Variants in ZCWPW2 observed in about 807,000 individuals in gnomAD.
The protein encoded by ZCWPW2 is zinc finger CW-type and PWWP domain containing 2.
A neutral mutation model predicts 46.6 loss-of-function variants in ZCWPW2; 45 were observed. The observed-to-expected ratio is 0.96, with a 90% CI of 0.76 to 1.24. ZCWPW2 has a LOEUF of 1.24. ZCWPW2 is among the 50% of genes most tolerant of loss of function. ZCWPW2 has a pLI of 0.00. For synonymous variants in ZCWPW2, 152 were observed against 137.1 expected, an observed-to-expected ratio of 1.11 and a Z score of -0.76; for missense variants, 429 against 403.9, an observed-to-expected ratio of 1.06 and a Z score of -0.53.
chr3:28,443,971 C>T (rs1028476723), intron 4 of ZCWPW2, among the ~76,000 whole-genome samples: 18 of 152,166 alleles, frequency 1.2e-4, no homozygotes, highest in Non-Finnish European at 2.4e-4. Context: ...GCACTTCCAG[C>T]TCACTCACAA....
At chr3:28,417,111 C>CTAA (rs1696613478) in intron 3 of ZCWPW2, among the ~76,000 whole-genome samples, 1 of 142,358 alleles carries the variant, frequency 7.0e-6, no homozygotes, top group Non-Finnish European at 1.5e-5. Flanking sequence ...GCTAGGAAGA[C>CTAA]TAATAAAGAA....
chr3:28,356,022 T>G lies in ZCWPW2; in HGVS notation c.-134+6819T>G, dbSNP rs1190359269. ...ATGGAATCTAATTAAACTAAAGAGC[T>G]TCTGCACAGCAAAAGAAACTACCAT... On this transcript the variant is annotated intron_variant, in intron 1 of 9. Transcript: ENST00000383768. Among the ~76,000 whole-genome samples the G allele has an allele frequency of 4.6e-5, 7 of 152,142 alleles. No homozygotes were observed. In the East Asian group the frequency reaches 1.3e-3, roughly 29 times the overall value.
At chr3:28,516,843 C>A (rs1700586269) in intron 8 of ZCWPW2, among the ~76,000 whole-genome samples, 1 of 148,926 alleles carries the variant, frequency 6.7e-6, no homozygotes, top group Admixed American at 6.7e-5. Flanking sequence ...CTCATCTCTA[C>A]TAAAATTAAA....
chr3:28,433,564 C>T (rs759609808), intron 3 of ZCWPW2, among the ~76,000 whole-genome samples: 38 of 152,030 alleles, frequency 2.5e-4, no homozygotes, highest in Non-Finnish European at 4.7e-4. Context: ...GTCAGGAGTT[C>T]GAGACCAGCC....
At position 28,348,907 on chromosome 3, in the gene ZCWPW2, CG is replaced by C. The variant is rs1704400267; in HGVS notation, c.-429del. 1 of 972,766 alleles carries C rather than the reference CG, an allele frequency of 1.0e-6. No individual in the cohort carries two copies. Among genetic ancestry groups the C allele is most frequent in the African/African-American group, 1.8e-5 (1 of 56,980 alleles). 60.3% of individuals were successfully genotyped at this position (972,766 alleles called of 1,614,324 possible). Reference sequence around the variant, plus strand: ...ATACGCGCGCGAGACCCAGGCCCGCCGTCGGGACCAGCACGGGCCGGAGGGA... The same window carrying C: ...ATACGCGCGCGAGACCCAGGCCCGCCTCGGGACCAGCACGGGCCGGAGGGA... On this transcript the variant is annotated 5_prime_UTR_variant, in exon 1 of 10. Coordinates refer to ENST00000383768, the MANE Select transcript of ZCWPW2 (RefSeq NM_001040432.4).
At chr3:28,443,710 T>G (rs1232510029) in intron 4 of ZCWPW2, among the ~76,000 whole-genome samples, 1 of 152,186 alleles carries the variant, frequency 6.6e-6, no homozygotes, top group Non-Finnish European at 1.5e-5. Flanking sequence ...ATCCTCATTG[T>G]ATTTAAATTT....
intron 4 of ZCWPW2, among the ~76,000 whole-genome samples, chr3:28,472,306 C>T (rs1435872374): frequency 1.3e-5 from 2 of 152,156 alleles, no homozygotes; most frequent in African/African-American, 4.8e-5. Flanking sequence ...GAAGAAATCA[C>T]ATTACCTGAC....
chr3:28,476,740 C>T (rs1396910971), intron 4 of ZCWPW2, among the ~76,000 whole-genome samples: 3 of 152,012 alleles, frequency 2.0e-5, no homozygotes, highest in African/African-American at 4.8e-5. Context: ...AATGTAGAAT[C>T]GGTGAAAGCA....
rs1697427501 is a variant in ZCWPW2, at chr3:28,435,104, T to C, written c.333-6T>C. On this transcript the variant is annotated splice_polypyrimidine_tract_variant and splice_region_variant and intron_variant, in intron 3 of 9. Coordinates refer to ENST00000383768, the MANE Select transcript of ZCWPW2 (RefSeq NM_001040432.4). ...CAAAATAATTACAAATATTTTCTTTTGAAAGTTGGCCAGGAATACTTTGCC... is the reference window on the plus strand; with the variant it reads ...CAAAATAATTACAAATATTTTCTTTCGAAAGTTGGCCAGGAATACTTTGCC... 3 of 1,604,814 alleles carry C rather than the reference T, an allele frequency of 1.9e-6. No homozygotes were observed. The highest frequency in any genetic ancestry group is 2.5e-6 in the Non-Finnish European group (3 of 1,178,012).
chr3:28,497,426 T>C (rs1307611505), intron 6 of ZCWPW2, among the ~76,000 whole-genome samples: 2 of 152,120 alleles, frequency 1.3e-5, no homozygotes, highest in African/African-American at 4.8e-5. Context: ...ACCAGTCATA[T>C]ATTGATGAAT....
intron 4 of ZCWPW2, among the ~76,000 whole-genome samples, chr3:28,477,019 C>A (rs1699259790): frequency 6.6e-6 from 1 of 152,098 alleles, no homozygotes; most frequent in South Asian, 2.1e-4. Context: ...ACTGGTCTGA[C>A]CCCCTGCTTT....
chr3:28,460,011 T>G (rs1313606371), intron 4 of ZCWPW2, among the ~76,000 whole-genome samples: 1 of 152,172 alleles, frequency 6.6e-6, no homozygotes, highest in Admixed American at 6.6e-5. Flanking sequence ...TATCATAAAC[T>G]GCTTCATTTC....
At position 28,413,132 on chromosome 3, in the gene ZCWPW2, G is replaced by T; in HGVS notation, c.64G>T (p.Glu22Ter). The change falls in exon 3 of 10, where the codon GAA (glutamate) becomes TAA (stop). Residue 22 changes from glutamate to a stop codon, truncating the protein, a stop_gained. Coordinates refer to ENST00000383768, the MANE Select transcript of ZCWPW2 (RefSeq NM_001040432.4). LOFTEE classifies it high-confidence loss of function. ...YCNYAMDSSV[E>*]NMYVNKVWVQ... ...TAACTATGCAATGGATTCCTCAGTG[G>T]AAAACATGTATGTAAACAAAGTGTG... is the stretch of plus-strand genomic sequence containing the variant. The T allele has an allele frequency of 6.2e-7, 1 of 1,613,040 alleles. No homozygotes were observed. Among genetic ancestry groups the T allele is most frequent in the East Asian group, 2.2e-5 (1 of 44,826 alleles).
At chr3:28,522,481 T>G (rs966545952) in intron 9 of ZCWPW2, among the ~76,000 whole-genome samples, 10 of 152,176 alleles carry the variant, frequency 6.6e-5, no homozygotes, top group African/African-American at 2.4e-4. Flanking sequence ...GATTTATAAA[T>G]GGACAAAGGG....
chr3:28,413,033 T>C, intron 2 of ZCWPW2, 23 bp from the exon 3 acceptor site: 2 of 1,555,390 alleles, frequency 1.3e-6, no homozygotes, highest in Non-Finnish European at 1.7e-6. Flanking sequence ...CATTCTGTTA[T>C]TTTCCTCTTT....
rs558144296 is a variant in ZCWPW2 at position 28,362,438 on chromosome 3, A to G, written c.-134+13235A>G. On this transcript the variant is annotated intron_variant, in intron 1 of 9. Coordinates refer to ENST00000383768, the MANE Select transcript of ZCWPW2 (RefSeq NM_001040432.4). ...AAAGGGCATGAACAGACACTTTTCA[A>G]AAGAAGACATACATGCGGCCAACAA... is the stretch of plus-strand genomic sequence containing the variant. Among the ~76,000 whole-genome samples, 34 of 152,324 alleles carry G rather than the reference A, an allele frequency of 2.2e-4. 1 individual carries two copies. In the South Asian group the frequency reaches 6.6e-3, roughly 30 times the overall value.
intron 3 of ZCWPW2, 37 bp downstream of exon 3, chr3:28,413,437 G>A (rs1696490352): frequency 6.6e-7 from 1 of 1,506,874 alleles, no homozygotes. Context: ...TTGAAATGTA[G>A]TCTTGCTAGG....
chr3:28,490,384 G>A (rs1699766277), intron 5 of ZCWPW2, among the ~76,000 whole-genome samples: 1 of 152,072 alleles, frequency 6.6e-6, no homozygotes, highest in Non-Finnish European at 1.5e-5. Context: ...GTTCATTGCA[G>A]CACTATTTTC....
intron 2 of ZCWPW2, among the ~76,000 whole-genome samples, chr3:28,403,187 TAACTC>T (rs1330243227): frequency 2.6e-5 from 4 of 152,158 alleles, no homozygotes; most frequent in African/African-American, 9.6e-5. Flanking sequence ...ACTGATAAAA[TAACTC>T]AGCTAAGTTT....
Sources: gnomAD v4.1 joint callset for allele counts (sites outside exome capture counted in the v4.1 genomes callset) on GRCh38, gnomAD v4.1.1 for gene constraint, MANE v1.5 for transcripts, NCBI Gene and HGNC (gene_info 2026-07-23, HGNC 2026-07-21) for gene names.